Variants in ASCC1 observed in about 807,000 individuals in gnomAD.
ASCC1 encodes the protein ASC-1 complex subunit P50.
Under a neutral mutation model 46.6 loss-of-function variants are expected in ASCC1, and 35 were observed. That is an observed-to-expected ratio of 0.75 (90% CI 0.57 to 0.99). The LOEUF (loss-of-function observed/expected upper bound fraction) is 0.99. Among genes scored for constraint, ASCC1 ranks in the 50% least tolerant of loss-of-function variants. The probability of loss-of-function intolerance (pLI) is 0.00; values close to 1 mark genes in which losing one functional copy is unlikely to be tolerated. For missense variants in ASCC1, 376 were observed against 428.7 expected (o/e 0.88, Z 1.09); for synonymous variants, 143 against 146.6 (o/e 0.98, Z 0.18).
At chr10:72,208,692 G>A (rs573683263) in intron 3 of ASCC1, among the ~76,000 whole-genome samples, 1 of 152,214 alleles carries the variant, frequency 6.6e-6, no homozygotes, top group South Asian at 2.1e-4. Flanking sequence ...CCAAAGGGGA[G>A]GAGGTTGCAG....
chr10:72,131,971 C>T (rs1431115649), intron 8 of ASCC1, among the ~76,000 whole-genome samples: 1 of 149,784 alleles, frequency 6.7e-6, no homozygotes, highest in Non-Finnish European at 1.5e-5. Flanking sequence ...CAGGTTCAAG[C>T]GATTGTCTTG....
chr10:72,216,209 G>A lies in ASCC1; in HGVS notation c.-36C>T, dbSNP rs1268284594. The A allele has an allele frequency of 6.4e-6, 1 of 155,450 alleles. No individual in the cohort carries two copies. Among genetic ancestry groups the A allele is most frequent in the African/African-American group, 2.4e-5 (1 of 41,474 alleles). The allele number at this position is 155,450 out of a possible 1,614,324, so 9.6% of individuals were successfully genotyped here. A position where few individuals can be genotyped will look rare whatever the true frequency, so the allele number is the denominator to read the frequency against. On this transcript the variant is annotated splice_region_variant and 5_prime_UTR_variant, in exon 1 of 10. Coordinates refer to ENST00000672957, the MANE Select transcript of ASCC1 (RefSeq NM_001198800.3). ...GGAGTTAACCCCCAGGATCCTACCT[G>A]CAGGGACTAGAAAAATGGAGAAGGT...
Position 72,151,695 on chromosome 10 carries a change from AT to A in ASCC1, c.746+1173del, listed in dbSNP as rs59725846. Reference sequence around the variant, plus strand: ...AATTTAAGTAATTTAATCTTTTTAAATTTTTTTTTTTTTAGACGGAGTCTCG... The same window carrying A: ...AATTTAAGTAATTTAATCTTTTTAAATTTTTTTTTTTTAGACGGAGTCTCG... On this transcript the variant is annotated intron_variant, in intron 7 of 9. Transcript: ENST00000672957. Among the ~76,000 whole-genome samples, 1,443 of 146,748 alleles carry A rather than the reference AT, an allele frequency of 9.8e-3. 17 individuals carry two copies. The highest frequency in any genetic ancestry group is 0.031 in the African/African-American group (1,255 of 40,334).
Position 72,096,784 on chromosome 10 carries a change from T to C in ASCC1, c.*550A>G, listed in dbSNP as rs1282854798. On this transcript the variant is annotated 3_prime_UTR_variant, in exon 10 of 10. Transcript: ENST00000672957. ...CAACATGGATGAACCTTGAGGACAT[T>C]ATGCTAAGTGAAATAAGCCAGTCAC... The C allele has an allele frequency of 2.2e-6, 1 of 453,976 alleles. No homozygotes were observed. Among genetic ancestry groups the C allele is most frequent in the Non-Finnish European group, 4.4e-6 (1 of 226,800 alleles). 28.1% of individuals were successfully genotyped at this position (453,976 alleles called of 1,614,324 possible). A position where few individuals can be genotyped will look rare whatever the true frequency, so the allele number is the denominator to read the frequency against.
chr10:72,205,449 G>A (rs1392326897), intron 3 of ASCC1, among the ~76,000 whole-genome samples: 2 of 152,040 alleles, frequency 1.3e-5, no homozygotes, highest in African/African-American at 2.4e-5. Flanking sequence ...TGGCCAACAT[G>A]GTAAAACCCC....
intron 6 of ASCC1, among the ~76,000 whole-genome samples, chr10:72,157,698 C>T (rs1424429582): frequency 2.0e-5 from 3 of 152,156 alleles, no homozygotes; most frequent in South Asian, 4.1e-4. Context: ...GTGTACTTAA[C>T]ACTACTGAAC....
upstream of ASCC1, chr10:72,216,397 G>C (rs1050924801): frequency 5.4e-6 from 1 of 185,060 alleles, no homozygotes; most frequent in Admixed American, 5.6e-5. Context: ...AAAGTGGCTA[G>C]GAGTTAGCTT....
intron 5 of ASCC1, among the ~76,000 whole-genome samples, chr10:72,173,976 T>A (rs1851557440): frequency 6.6e-6 from 1 of 152,260 alleles, no homozygotes; most frequent in Non-Finnish European, 1.5e-5. Context: ...AAGAGTGAAG[T>A]AACAGGAATT....
intron 7 of ASCC1, among the ~76,000 whole-genome samples, chr10:72,146,088 T>C (rs539994093): frequency 6.6e-6 from 1 of 152,372 alleles, no homozygotes; most frequent in East Asian, 1.9e-4. Flanking sequence ...GCAAACTCTT[T>C]ATTCAGCAAA....
intron 9 of ASCC1, among the ~76,000 whole-genome samples, chr10:72,116,172 T>C (rs1273344464): frequency 1.3e-5 from 2 of 152,268 alleles, no homozygotes; most frequent in Admixed American, 6.5e-5. Flanking sequence ...AACATAGTTT[T>C]ACACTTATAA....
At chr10:72,105,031 T>C (rs1842189714) in intron 9 of ASCC1, among the ~76,000 whole-genome samples, 1 of 152,174 alleles carries the variant, frequency 6.6e-6, no homozygotes, top group Admixed American at 6.5e-5. Flanking sequence ...CCATGTCTGC[T>C]GAGAGCCATT....
intron 7 of ASCC1, among the ~76,000 whole-genome samples, chr10:72,135,138 A>T (rs2132322831): frequency 6.6e-6 from 1 of 152,360 alleles, no homozygotes. Context: ...CAACAGAGAA[A>T]GAAAAGGAAA....
chr10:72,103,932 C>A (rs1842071898), intron 9 of ASCC1, among the ~76,000 whole-genome samples: 2 of 152,162 alleles, frequency 1.3e-5, no homozygotes, highest in Non-Finnish European at 2.9e-5. Flanking sequence ...TAAAAATACA[C>A]AAGTTACCAC....
chr10:72,197,096 G>A (rs553193316), intron 4 of ASCC1, 107 bp from the exon 5 acceptor site: 325 of 988,866 alleles, frequency 3.3e-4, no homozygotes, highest in Admixed American at 5.7e-4. Context: ...TTCTGAATGC[G>A]TATATGAATC....
At chr10:72,097,513 C>G (rs1409971836) in intron 9 of ASCC1, 63 bp from the exon 10 acceptor site, 1 of 1,010,428 alleles carries the variant, frequency 9.9e-7, no homozygotes. Context: ...TATTAAACAT[C>G]AGATTATCTT....
chr10:72,169,927 C>A (rs1014696236), intron 5 of ASCC1, among the ~76,000 whole-genome samples: 5 of 152,108 alleles, frequency 3.3e-5, no homozygotes, highest in Non-Finnish European at 7.4e-5. Context: ...CGAGACCAGC[C>A]TGGCCAACAT....
At chr10:72,152,425 C>G (rs1848475493) in intron 7 of ASCC1, among the ~76,000 whole-genome samples, 1 of 152,150 alleles carries the variant, frequency 6.6e-6, no homozygotes, top group Non-Finnish European at 1.5e-5. Context: ...GTTTGAAACT[C>G]ATACTCTAAA....
At chr10:72,187,194 T>C (rs1853588133) in intron 5 of ASCC1, among the ~76,000 whole-genome samples, 1 of 152,178 alleles carries the variant, frequency 6.6e-6, no homozygotes, top group African/African-American at 2.4e-5. Context: ...TTATGAAATG[T>C]TAAGGAGAAA....
At chr10:72,201,808 C>T (rs1223418660) in intron 4 of ASCC1, among the ~76,000 whole-genome samples, 1 of 151,930 alleles carries the variant, frequency 6.6e-6, no homozygotes, top group Non-Finnish European at 1.5e-5. Context: ...GGTGTGGTGG[C>T]GTGTTCCTGT....
Sources: allele counts gnomAD v4.1 joint callset (sites outside exome capture counted in the v4.1 genomes callset), GRCh38; gene constraint gnomAD v4.1.1; transcripts MANE v1.5; gene names NCBI Gene and HGNC (gene_info 2026-07-23, HGNC 2026-07-21).